The following OR2T33 variants were observed in gnomAD, a reference collection of about 807,000 sequenced individuals.
OR2T33 encodes olfactory receptor family 2 subfamily T member 33.
Under a neutral mutation model 14.0 loss-of-function variants are expected in OR2T33, and 10 were observed. That is an observed-to-expected ratio of 0.72 (90% CI 0.44 to 1.22). OR2T33 has a LOEUF of 1.22. Among genes scored for constraint, OR2T33 ranks in the 50% most tolerant of loss-of-function variants. The pLI is 0.00. For missense variants in OR2T33, 276 were observed against 405.9 expected (o/e 0.68, Z 2.75); for synonymous variants, 103 against 159.4 (o/e 0.65, Z 2.66).
Position 248,272,680 on chromosome 1 carries a change from A to G in OR2T33, c.*172T>C. 2.3e-6 allele frequency: 2 copies of G among 869,576 alleles called. No homozygotes were observed. The highest frequency in any genetic ancestry group is 1.7e-6 in the Non-Finnish European group (1 of 579,742). The allele number at this position is 869,576 out of a possible 1,614,324, so 53.9% of individuals were successfully genotyped here. A position where few individuals can be genotyped will look rare whatever the true frequency, so the allele number is the denominator to read the frequency against. On this transcript the variant is annotated 3_prime_UTR_variant, in exon 2 of 2. Coordinates refer to ENST00000641220, the MANE Select transcript of OR2T33 (RefSeq NM_001004695.2). ...TACTACTTCACTTGAAGAAAAGTAC[A>G]TAAATGCTAAAAATGGTATCTCTCA...
chr1:248,274,999 A>G (rs1216535484), intron 1 of OR2T33, among the ~76,000 whole-genome samples: 1 of 152,220 alleles, frequency 6.6e-6, no homozygotes, highest in Non-Finnish European at 1.5e-5. Flanking sequence ...TTTAGTGTTT[A>G]CCATTTTTAA....
chr1:248,274,031 G>A, intron 1 of OR2T33, among the ~76,000 whole-genome samples: 1 of 152,066 alleles, frequency 6.6e-6, no homozygotes, highest in East Asian at 1.9e-4. Flanking sequence ...CTGAGATCGT[G>A]TACTACAAAC....
At position 248,272,540 on chromosome 1, in the gene OR2T33, A is replaced by C. The variant is rs1456520512; in HGVS notation, c.*312T>G. On this transcript the variant is annotated 3_prime_UTR_variant, in exon 2 of 2. Coordinates refer to ENST00000641220, the MANE Select transcript of OR2T33 (RefSeq NM_001004695.2). ...TTCTTATTATTTCCGTGCTGTGTGA[A>C]ATTGGGAACAATATTTACCTTTCCA... The C allele has an allele frequency of 3.7e-6, 1 of 271,208 alleles. No homozygotes were observed. Among genetic ancestry groups the C allele is most frequent in the African/African-American group, 2.2e-5 (1 of 45,098 alleles). 16.8% of individuals were successfully genotyped at this position (271,208 alleles called of 1,614,324 possible).
rs1659365252 is a variant in OR2T33, at chr1:248,271,101, T to TA, written c.*1750dup. On this transcript the variant is annotated 3_prime_UTR_variant, in exon 2 of 2. Coordinates refer to ENST00000641220, the MANE Select transcript of OR2T33 (RefSeq NM_001004695.2). ...ATAAAGATACCACCACTAGAAGGGT[T>TA]AAAATTAAAAATATTCAAATGCCAA... 6.6e-6 allele frequency: 1 copy of TA among 152,170 alleles called. No homozygotes were observed. The highest frequency in any genetic ancestry group is 1.5e-5 in the Non-Finnish European group (1 of 68,022). 9.4% of individuals were successfully genotyped at this position (152,170 alleles called of 1,614,324 possible).
intron 1 of OR2T33, among the ~76,000 whole-genome samples, chr1:248,277,342 A>C (rs1659459525): frequency 6.6e-6 from 1 of 152,024 alleles, no homozygotes; most frequent in Non-Finnish European, 1.5e-5. Context: ...ACTGTTCTGG[A>C]ACAATAGAGT....
intron 1 of OR2T33, 120 bp from the exon 2 acceptor site, chr1:248,273,942 A>G: frequency 7.7e-7 from 1 of 1,301,998 alleles, no homozygotes; most frequent in Non-Finnish European, 1.0e-6. Context: ...GTAGTGATTC[A>G]AAGCCCTAAC....
Position 248,273,196 on chromosome 1 carries a change from C to G in OR2T33, c.619G>C (p.Val207Leu), listed in dbSNP as rs757976500. The change falls in exon 2 of 2, where the codon GTC becomes CTC. Residue 207 changes from valine (V) to leucine (L), a missense_variant. Coordinates refer to ENST00000641220, the MANE Select transcript of OR2T33 (RefSeq NM_001004695.2). ...MYICCVLMLL[V>L]PFSLILSSYG... Reference sequence around the variant, plus strand: ...GAGGACAGGATGAGGGAAAAGGGGACCAGGAGCATTAACACACAGCAGATG... The same window carrying G: ...GAGGACAGGATGAGGGAAAAGGGGAGCAGGAGCATTAACACACAGCAGATG... The G allele has an allele frequency of 6.2e-6, 10 of 1,608,544 alleles. No homozygotes were observed. Among genetic ancestry groups the G allele is most frequent in the Non-Finnish European group, 7.6e-6 (9 of 1,177,776 alleles).
rs201888864 is a variant in OR2T33 at position 248,272,662 on chromosome 1, T to A, written c.*190A>T. 1.4e-6 allele frequency: 1 copy of A among 713,848 alleles called. No individual in the cohort carries two copies. Among genetic ancestry groups the A allele is most frequent in the East Asian group, 2.8e-5 (1 of 35,868 alleles). 44.2% of individuals were successfully genotyped at this position (713,848 alleles called of 1,614,324 possible). On this transcript the variant is annotated 3_prime_UTR_variant, in exon 2 of 2. Coordinates refer to ENST00000641220, the MANE Select transcript of OR2T33 (RefSeq NM_001004695.2). Reference sequence around the variant, plus strand: ...TACAAAGTAATCCATAGATACTACTTCACTTGAAGAAAAGTACATAAATGC... The same window carrying A: ...TACAAAGTAATCCATAGATACTACTACACTTGAAGAAAAGTACATAAATGC...
chr1:248,272,105 A>G lies in OR2T33; in HGVS notation c.*747T>C, dbSNP rs1312326810. 2 of 152,240 alleles carry G rather than the reference A, an allele frequency of 1.3e-5. No individual in the cohort carries two copies. Among genetic ancestry groups the G allele is most frequent in the African/African-American group, 4.8e-5 (2 of 41,464 alleles). The allele number at this position is 152,240 out of a possible 1,614,324, so 9.4% of individuals were successfully genotyped here. ...CATGATTATGCAATTCAGAGTTCAT[A>G]TCGATGGAGGTATGTCAATAAGTCA... On this transcript the variant is annotated 3_prime_UTR_variant, in exon 2 of 2. Transcript: ENST00000641220.
rs1272425229 is a variant in OR2T33 at position 248,271,122 on chromosome 1, G to T, written c.*1730C>A. ...GGGTTAAAATTAAAAATATTCAAAT[G>T]CCAAATGCTAGTTGTTTTAGTTTTC... On this transcript the variant is annotated 3_prime_UTR_variant, in exon 2 of 2. Coordinates refer to ENST00000641220, the MANE Select transcript of OR2T33 (RefSeq NM_001004695.2). The T allele has an allele frequency of 6.6e-6, 1 of 152,062 alleles. No homozygotes were observed. The highest frequency in any genetic ancestry group is 2.4e-5 in the African/African-American group (1 of 41,394). 9.4% of individuals were successfully genotyped at this position (152,062 alleles called of 1,614,324 possible).
intron 1 of OR2T33, 122 bp from the exon 2 acceptor site, chr1:248,273,944 A>C: frequency 7.8e-7 from 1 of 1,288,976 alleles, no homozygotes; most frequent in East Asian, 2.5e-5. Flanking sequence ...AGTGATTCAA[A>C]GCCCTAACTC....
chr1:248,273,263 A>T lies in OR2T33; in HGVS notation c.552T>A (p.Arg184=), dbSNP rs1196144326. The T allele has an allele frequency of 1.2e-6, 2 of 1,610,302 alleles. No individual in the cohort carries two copies. The highest frequency in any genetic ancestry group is 3.3e-5 in the Admixed American group (2 of 59,850). ...HFFCETPVLV[R]LACADTSVFE... ...AGACTGAAGTGTCAGCACAAGCCAA[A>T]CGCACCAGCACGGGGGTCTCGCAGA... Residue 184 remains arginine (R), a synonymous_variant, in exon 2 of 2, where the codon CGT becomes CGA. Transcript: ENST00000641220.
chr1:248,277,621 T>C (rs1464481242), intron 1 of OR2T33, 144 bp downstream of exon 1: 1 of 152,178 alleles, frequency 6.6e-6, no homozygotes, highest in African/African-American at 2.4e-5. Flanking sequence ...ACATTTACTT[T>C]GTGTGATTTG....
chr1:248,276,563 A>C (rs1303291146), intron 1 of OR2T33, among the ~76,000 whole-genome samples: 3 of 152,094 alleles, frequency 2.0e-5, no homozygotes. Context: ...ATACTTTTTC[A>C]TTCTGAATGG....
In OR2T33 at chr1:248,272,888, T is replaced by A; in HGVS notation, c.927A>T (p.Ile309=). The A allele has an allele frequency of 6.2e-7, 1 of 1,613,892 alleles. No homozygotes were observed. Among genetic ancestry groups the A allele is most frequent in the South Asian group, 1.1e-5 (1 of 91,042 alleles). Residue 309 remains isoleucine (I), a synonymous_variant, in exon 2 of 2, where the codon ATA becomes ATT. Transcript: ENST00000641220. ...TGTGGGCCTCATTTTGCTGGTGTTT[T>A]ATGTTTACACACGTCCCCAGCCACC... is the stretch of plus-strand genomic sequence containing the variant. ...LKRWLGTCVN[I]KHQQNEAHRS... is the part of the protein sequence containing the mutation.
chr1:248,272,371 A>G lies in OR2T33; in HGVS notation c.*481T>C, dbSNP rs1659383077. 6.5e-6 allele frequency: 1 copy of G among 153,196 alleles called. No homozygotes were observed. The highest frequency in any genetic ancestry group is 1.5e-5 in the Non-Finnish European group (1 of 68,756). The allele number at this position is 153,196 out of a possible 1,614,324, so 9.5% of individuals were successfully genotyped here. ...TTGTCATGCATCTATATTTTAAAAT[A>G]TAACATAAAAATAATATTTTTCTTT... On this transcript the variant is annotated 3_prime_UTR_variant, in exon 2 of 2. Transcript: ENST00000641220.
rs149193117 is a variant in OR2T33 at position 248,273,650 on chromosome 1, C to A, written c.165G>T (p.Thr55=). 129 of 1,613,664 alleles carry A rather than the reference C, an allele frequency of 8.0e-5. No homozygotes were observed. Among genetic ancestry groups the A allele is most frequent in the Non-Finnish European group, 9.9e-5 (117 of 1,179,868 alleles). ...LLIHWDHRLH[T]PMYFLLSQLS... ...GTTGGCTCAGGAGGAAGTACATGGG[C>A]GTGTGGAGCCGGTGGTCCCAGTGAA... The change falls in exon 2 of 2, where the codon ACG becomes ACT. Residue 55 remains threonine, a synonymous_variant. Transcript: ENST00000641220.
Position 248,273,314 on chromosome 1 carries a change from A to G in OR2T33, c.501T>C (p.Cys167=), listed in dbSNP as rs10909376. Residue 167 remains cysteine, a synonymous_variant, in exon 2 of 2, where the codon TGT becomes TGC. Transcript: ENST00000641220. ...AGAAGTGATCGATCTCGTGTGCACC[A>G]CAATATGGGAAGCTCAGGGTAACAA... is the stretch of plus-strand genomic sequence containing the variant. ...QAVVTLSFPY[C]GAHEIDHFFC... 0.79 allele frequency: 1,124,914 copies of G among 1,432,766 alleles called. 457,791 individuals carry two copies. Among genetic ancestry groups the G allele is most frequent in the South Asian group, 0.88 (76,597 of 87,132 alleles). The allele number at this position is 1,432,766 out of a possible 1,614,324, so 88.8% of individuals were successfully genotyped here.
chr1:248,271,894 T>C lies in OR2T33; in HGVS notation c.*958A>G, dbSNP rs1659376791. 6.6e-6 allele frequency: 1 copy of C among 152,144 alleles called. No individual in the cohort carries two copies. Among genetic ancestry groups the C allele is most frequent in the African/African-American group, 2.4e-5 (1 of 41,390 alleles). The allele number at this position is 152,144 out of a possible 1,614,324, so 9.4% of individuals were successfully genotyped here. A position where few individuals can be genotyped will look rare whatever the true frequency, so the allele number is the denominator to read the frequency against. ...ACTATCTAGCTTGTGTCTTTATTAA[T>C]AGAATAGTCTTCTTTTTTTTTGTTT... On this transcript the variant is annotated 3_prime_UTR_variant, in exon 2 of 2. Coordinates refer to ENST00000641220, the MANE Select transcript of OR2T33 (RefSeq NM_001004695.2).
Sources: gnomAD v4.1 joint callset for allele counts (sites outside exome capture counted in the v4.1 genomes callset) on GRCh38, gnomAD v4.1.1 for gene constraint, MANE v1.5 for transcripts, NCBI Gene and HGNC (gene_info 2026-07-23, HGNC 2026-07-21) for gene names.